Variants in RPS6KC1 observed in about 807,000 individuals in gnomAD.
RPS6KC1 encodes the protein inactive ribosomal protein S6 kinase delta-1.
Under a neutral mutation model 103.8 loss-of-function variants are expected in RPS6KC1, and 54 were observed. The ratio of observed to expected loss-of-function variants is 0.52; its 90% CI spans 0.42 to 0.65. The LOEUF (loss-of-function observed/expected upper bound fraction) is 0.65, where lower values mean the gene tolerates loss of function less well. RPS6KC1 is among the 30% of genes least tolerant of loss of function. The probability of loss-of-function intolerance (pLI) is 0.00; values close to 1 mark genes in which losing one functional copy is unlikely to be tolerated. For synonymous variants in RPS6KC1, 439 were observed against 438.7 expected (o/e 1.00, Z -0.01); for missense variants, 1,151 against 1,253.8 (o/e 0.92, Z 1.24).
At chr1:213,791,129 T>C in the RPS6KC1 span, among the ~76,000 whole-genome samples, 1 of 152,038 alleles carries the variant, frequency 6.6e-6, no homozygotes, top group Non-Finnish European at 1.5e-5. Context: ...CTTGGCTCAT[T>C]GTCTTTCATA....
At chr1:213,077,614 A>G (rs2079462713) in intron 2 of RPS6KC1, 82 bp from the exon 3 acceptor site, 1 of 832,340 alleles carries the variant, frequency 1.2e-6, no homozygotes, top group Non-Finnish European at 1.8e-6. Context: ...AATTTTGAAC[A>G]CTTTAATGAA....
At chr1:213,774,050 T>C in the RPS6KC1 span, among the ~76,000 whole-genome samples, 1 of 152,218 alleles carries the variant, frequency 6.6e-6, no homozygotes, top group African/African-American at 2.4e-5. Flanking sequence ...TCTCACCATG[T>C]ATTTTCTTCA....
intron 6 of RPS6KC1, among the ~76,000 whole-genome samples, chr1:213,153,774 CTG>C (rs2089543206): frequency 6.6e-6 from 1 of 152,140 alleles, no homozygotes; most frequent in Non-Finnish European, 1.5e-5. Flanking sequence ...ATATTGAAAT[CTG>C]TTAGCTTTTG....
the RPS6KC1 span, among the ~76,000 whole-genome samples, chr1:213,682,008 A>G: frequency 6.6e-6 from 1 of 152,162 alleles, no homozygotes; most frequent in Non-Finnish European, 1.5e-5. Context: ...GCCAAACTGC[A>G]TGACATGTTT....
At chr1:213,704,378 T>C in the RPS6KC1 span, among the ~76,000 whole-genome samples, 46 of 95,856 alleles carry the variant, frequency 4.8e-4, 1 homozygote, top group South Asian at 8.2e-3. Context: ...ACAGCGAGAC[T>C]CCGTCTCAAA....
At chr1:213,339,502 G>A in the RPS6KC1 span, among the ~76,000 whole-genome samples, 1 of 152,184 alleles carries the variant, frequency 6.6e-6, no homozygotes, top group Non-Finnish European at 1.5e-5. Flanking sequence ...TGGGTTTTGG[G>A]TGGTTTTCTC....
At chr1:213,407,786 T>C in the RPS6KC1 span, among the ~76,000 whole-genome samples, 2 of 152,158 alleles carry the variant, frequency 1.3e-5, no homozygotes, top group Non-Finnish European at 2.9e-5. Flanking sequence ...AAAGGTCCTG[T>C]GGGCTGCATG....
the RPS6KC1 span, among the ~76,000 whole-genome samples, chr1:213,706,897 C>T: frequency 2.0e-5 from 3 of 152,152 alleles, no homozygotes; most frequent in Non-Finnish European, 4.4e-5. Context: ...TTTATGGCTG[C>T]ATACTATTCC....
the RPS6KC1 span, among the ~76,000 whole-genome samples, chr1:213,455,287 A>T: frequency 6.6e-6 from 1 of 152,132 alleles, no homozygotes; most frequent in African/African-American, 2.4e-5. Flanking sequence ...CAGGAAATTC[A>T]TAGTGGAAAT....
the RPS6KC1 span, among the ~76,000 whole-genome samples, chr1:213,475,576 C>T: frequency 9.2e-4 from 140 of 152,188 alleles, no homozygotes; most frequent in Admixed American, 3.3e-3. Flanking sequence ...CTGGCTACAT[C>T]CAGTGAGGAG....
intron 3 of RPS6KC1, among the ~76,000 whole-genome samples, chr1:213,091,953 A>G (rs552668461): frequency 5.8e-5 from 8 of 136,966 alleles, no homozygotes; most frequent in Non-Finnish European, 8.3e-5. Context: ...AACTGGCATT[A>G]CATTTCTTTT....
chr1:213,699,050 A>G, the RPS6KC1 span, among the ~76,000 whole-genome samples: 1 of 152,206 alleles, frequency 6.6e-6, no homozygotes, highest in Non-Finnish European at 1.5e-5. Context: ...TTTGTATTAC[A>G]AACAGTCCAA....
intron 8 of RPS6KC1, among the ~76,000 whole-genome samples, chr1:213,190,203 A>G (rs1238993820): frequency 1.3e-5 from 2 of 151,910 alleles, no homozygotes; most frequent in East Asian, 1.9e-4. Flanking sequence ...AGGTAGCTCT[A>G]TTTTTAGGTT....
the RPS6KC1 span, among the ~76,000 whole-genome samples, chr1:213,724,014 A>G: frequency 2.6e-5 from 4 of 152,250 alleles, no homozygotes; most frequent in African/African-American, 9.6e-5. Context: ...CCATGAAGGG[A>G]GTGCACTGAG....
At position 213,125,775 on chromosome 1, in the gene RPS6KC1, T is replaced by C. The variant is rs543140829; in HGVS notation, c.473-3752T>C. Reference sequence around the variant, plus strand: ...CTATCTTTCTCTCTAGGTATTTTAATGGTCTTACTTTTTTGATCTAATCTC... The same window carrying C: ...CTATCTTTCTCTCTAGGTATTTTAACGGTCTTACTTTTTTGATCTAATCTC... On this transcript the variant is annotated intron_variant, in intron 5 of 14. Coordinates refer to ENST00000366960, the MANE Select transcript of RPS6KC1 (RefSeq NM_012424.6). 3.3e-5 allele frequency: 5 copies of C among 152,164 alleles called. No individual in the cohort carries two copies. In the East Asian group the frequency reaches 9.6e-4, roughly 29 times the overall value. 9.4% of individuals were successfully genotyped at this position (152,164 alleles called of 1,614,324 possible).
At chr1:213,624,399 A>G in the RPS6KC1 span, among the ~76,000 whole-genome samples, 1 of 152,258 alleles carries the variant, frequency 6.6e-6, no homozygotes, top group Non-Finnish European at 1.5e-5. Context: ...GGAAACAAGA[A>G]GAGGAGACTA....
the RPS6KC1 span, among the ~76,000 whole-genome samples, chr1:213,652,343 G>T: frequency 6.6e-6 from 1 of 152,152 alleles, no homozygotes; most frequent in Non-Finnish European, 1.5e-5. Context: ...AGTAACTGAG[G>T]CACACGGAAG....
intron 3 of RPS6KC1, among the ~76,000 whole-genome samples, chr1:213,078,182 G>A (rs956465823): frequency 6.8e-6 from 1 of 146,530 alleles, no homozygotes; most frequent in Non-Finnish European, 1.5e-5. Flanking sequence ...TGAATGGTGT[G>A]GTTTTCTAGT....
chr1:213,642,799 A>G, the RPS6KC1 span, among the ~76,000 whole-genome samples: 1 of 151,906 alleles, frequency 6.6e-6, no homozygotes, highest in Non-Finnish European at 1.5e-5. Context: ...TTCATCTATT[A>G]TTTGTAATAC....
Sources: gnomAD v4.1 joint callset for allele counts (sites outside exome capture counted in the v4.1 genomes callset) on GRCh38, gnomAD v4.1.1 for gene constraint, MANE v1.5 for transcripts, NCBI Gene and HGNC (gene_info 2026-07-23, HGNC 2026-07-21) for gene names.